The following DCAF5 variants were observed in gnomAD, a reference collection of about 807,000 sequenced individuals.
The protein encoded by DCAF5 is DDB1- and CUL4-associated factor 5.
DCAF5 carries 9 observed loss-of-function variants against 80.7 expected under a neutral mutation model. The observed-to-expected ratio is 0.11, with a 90% CI of 0.07 to 0.19. The LOEUF is 0.19. DCAF5 is among the 10% of genes least tolerant of loss of function. The probability of loss-of-function intolerance (pLI) is 1.00; values close to 1 mark genes in which losing one functional copy is unlikely to be tolerated. For synonymous variants in DCAF5, 433 were observed against 461.9 expected (o/e 0.94, Z 0.80); for missense variants, 842 against 1,205.7 (o/e 0.70, Z 4.47).
At chr14:69,093,695 G>A (rs2039605584) in intron 5 of DCAF5, among the ~76,000 whole-genome samples, 1 of 152,136 alleles carries the variant, frequency 6.6e-6, no homozygotes, top group Non-Finnish European at 1.5e-5. Context: ...GTCCCCCAAA[G>A]CAGTCTTCTC....
chr14:69,072,127 T>C (rs1362529332), intron 7 of DCAF5, among the ~76,000 whole-genome samples: 4 of 152,202 alleles, frequency 2.6e-5, no homozygotes, highest in African/African-American at 9.6e-5. Context: ...TTAAGAGCCA[T>C]AGTTTAATTA....
intron 6 of DCAF5, chr14:69,089,071 T>C (rs1028380486): frequency 6.6e-6 from 1 of 152,638 alleles, no homozygotes; most frequent in Non-Finnish European, 1.5e-5. Context: ...TTGGATGAAT[T>C]ATTTAATTCA....
In DCAF5 at chr14:69,081,602, G is replaced by A. The variant is rs137944175; in HGVS notation, c.880-6191C>T. On this transcript the variant is annotated intron_variant, in intron 6 of 8. Transcript: ENST00000341516. The stretch of plus-strand genomic sequence containing the variant: ...ATACTAACTTGCTCGAGCATAGGAA[G>A]AGATCAACAACTCTCTCTCAATAGA... Among the ~76,000 whole-genome samples the A allele has an allele frequency of 2.8e-3, 433 of 152,174 alleles. 5 individuals are homozygous for A. The highest frequency in any genetic ancestry group is 9.8e-3 in the African/African-American group (406 of 41,526).
intron 5 of DCAF5, among the ~76,000 whole-genome samples, chr14:69,095,276 A>T (rs1455370503): frequency 2.6e-5 from 4 of 152,250 alleles, no homozygotes; most frequent in Non-Finnish European, 2.9e-5. Flanking sequence ...ATACATTCAA[A>T]TGAGATGAGC....
chr14:69,153,084 G>A lies in DCAF5; in HGVS notation c.-106C>T. On this transcript the variant is annotated 5_prime_UTR_variant, in exon 1 of 9. Coordinates refer to ENST00000341516, the MANE Select transcript of DCAF5 (RefSeq NM_003861.3). ...CTCCCCCCGCGCTGCGATCCGGATG[G>A]TTCTTTAACCAGCCATGGCAGGCAG... The A allele has an allele frequency of 1.1e-6, 1 of 914,222 alleles. No homozygotes were observed. Among genetic ancestry groups the A allele is most frequent in the Non-Finnish European group, 1.5e-6 (1 of 658,424 alleles). The allele number at this position is 914,222 out of a possible 1,614,324, so 56.6% of individuals were successfully genotyped here.
chr14:69,127,637 T>C (rs1319771265), intron 1 of DCAF5, among the ~76,000 whole-genome samples: 2 of 152,194 alleles, frequency 1.3e-5, no homozygotes, highest in African/African-American at 4.8e-5. Flanking sequence ...TTTTTGAACA[T>C]TGGGACTCTG....
chr14:69,124,285 A>T (rs1478499909), intron 1 of DCAF5, among the ~76,000 whole-genome samples: 3 of 152,188 alleles, frequency 2.0e-5, no homozygotes, highest in Non-Finnish European at 2.9e-5. Flanking sequence ...GTTGCTATGA[A>T]CACAAGTGTA....
Position 69,062,402 on chromosome 14 carries a change from A to G in DCAF5, c.1056T>C (p.Gly352=), listed in dbSNP as rs2038252361. The G allele has an allele frequency of 6.2e-7, 1 of 1,613,776 alleles. No homozygotes were observed. The highest frequency in any genetic ancestry group is 1.3e-5 in the African/African-American group (1 of 74,928). ...GCCTCACCTTGATAATCTTTTCTAC[A>G]CCAGAAGAGCAGATCATGTAGGTGT... The part of the protein sequence containing the change: ...NPHTYMICSS[G]VEKIIKIWSP... Residue 352 remains glycine, a synonymous_variant, in exon 8 of 9, where the codon GGT becomes GGC. Coordinates refer to ENST00000341516, the MANE Select transcript of DCAF5 (RefSeq NM_003861.3).
chr14:69,068,698 C>CAAAAA (rs201955188), intron 7 of DCAF5, among the ~76,000 whole-genome samples: 6 of 68,006 alleles, frequency 8.8e-5, no homozygotes, highest in African/African-American at 2.5e-4. Context: ...AACTCCATCT[C>CAAAAA]AAAAAAAAAA....
chr14:69,141,205 G>A (rs1595063976), intron 1 of DCAF5, among the ~76,000 whole-genome samples: 1 of 147,988 alleles, frequency 6.8e-6, no homozygotes, highest in African/African-American at 2.5e-5. Flanking sequence ...GAGAATGGAT[G>A]CTTAAAGGCT....
chr14:69,126,748 A>G (rs764197261), intron 1 of DCAF5, among the ~76,000 whole-genome samples: 3 of 152,148 alleles, frequency 2.0e-5, no homozygotes, highest in Non-Finnish European at 4.4e-5. Flanking sequence ...CCAAAAACAG[A>G]CCCACGTAAG....
Position 69,099,167 on chromosome 14 carries a change from G to C in DCAF5, c.666-7280C>G, listed in dbSNP as rs140388397. 6.0e-5 allele frequency among the ~76,000 whole-genome samples: 9 copies of C among 150,786 alleles called. No individual in the cohort carries two copies. In the East Asian group the frequency reaches 1.8e-3, roughly 30 times the overall value. ...CTTGGGAGGCTGAGGCAAAAGAATC[G>C]CTTGAACCTGGGAGGCGGAGGTTGC... On this transcript the variant is annotated intron_variant, in intron 5 of 8. Coordinates refer to ENST00000341516, the MANE Select transcript of DCAF5 (RefSeq NM_003861.3).
chr14:69,121,160 T>TA (rs1388772302), intron 2 of DCAF5, among the ~76,000 whole-genome samples: 1 of 152,164 alleles, frequency 6.6e-6, no homozygotes, highest in African/African-American at 2.4e-5. Context: ...GCCAGACAGA[T>TA]AGATTGGGAT....
intron 5 of DCAF5, among the ~76,000 whole-genome samples, chr14:69,111,787 C>G (rs1174533481): frequency 6.6e-6 from 1 of 152,166 alleles, no homozygotes; most frequent in African/African-American, 2.4e-5. Flanking sequence ...GAAACCTTGT[C>G]AGAACATGCA....
At chr14:69,120,469 G>A (rs992806266) in intron 2 of DCAF5, among the ~76,000 whole-genome samples, 1 of 152,040 alleles carries the variant, frequency 6.6e-6, no homozygotes, top group African/African-American at 2.4e-5. Flanking sequence ...TTTTAATCTT[G>A]TATTTCTCCT....
In DCAF5 at chr14:69,098,912, A is replaced by G. The variant is rs376798131; in HGVS notation, c.666-7025T>C. Among the ~76,000 whole-genome samples the G allele has an allele frequency of 7.2e-3, 1,051 of 145,754 alleles. 12 individuals carry two copies. Among genetic ancestry groups the G allele is most frequent in the African/African-American group, 0.025 (972 of 39,504 alleles). On this transcript the variant is annotated intron_variant, in intron 5 of 8. Transcript: ENST00000341516. ...TGTCTCCAAAAAAAAAAAAAAAAAA[A>G]AAAGAAAAGAAAAAAAAGAAAAACA...
chr14:69,143,990 T>C (rs2041456679), intron 1 of DCAF5: 1 of 152,346 alleles, frequency 6.6e-6, no homozygotes, highest in African/African-American at 2.4e-5. Flanking sequence ...TAATGAATTC[T>C]ATTTTTCCAC....
chr14:69,089,694 G>C (rs1014265843), intron 6 of DCAF5: 1 of 153,826 alleles, frequency 6.5e-6, no homozygotes, highest in African/African-American at 2.4e-5. Flanking sequence ...CAATGCATCT[G>C]AGCAAAATGG....
chr14:69,070,624 C>G (rs1236628869), intron 7 of DCAF5, among the ~76,000 whole-genome samples: 2 of 152,120 alleles, frequency 1.3e-5, no homozygotes, highest in East Asian at 1.9e-4. Flanking sequence ...AACACTGGCT[C>G]TATATGTAAC....
Sources: allele counts gnomAD v4.1 joint callset (sites outside exome capture counted in the v4.1 genomes callset), GRCh38; gene constraint gnomAD v4.1.1; transcripts MANE v1.5; gene names NCBI Gene and HGNC (gene_info 2026-07-23, HGNC 2026-07-21).